C9: variants seen among roughly 807,000 people sequenced by gnomAD.
C9 encodes complement component C9.
C9 carries 63 observed loss-of-function variants against 65.4 expected under a neutral mutation model. The ratio of observed to expected loss-of-function variants is 0.96; its 90% confidence interval spans 0.79 to 1.19. C9 has a LOEUF of 1.19. Among genes scored for constraint, C9 ranks in the 50% most tolerant of loss-of-function variants. C9 has a pLI of 0.00. For missense variants in C9, 744 were observed against 670.1 expected (o/e 1.11, Z -1.22); for synonymous variants, 229 against 227.9 (o/e 1.00, Z -0.04).
In C9 at chr5:39,363,331, G is replaced by C. The variant is rs76619564; in HGVS notation, c.77+1057C>G. ...GTAGCACCTCTGGGTGCCCCCTCCT[G>C]AAAGATACAGCCCTGTGAATAACCC... On this transcript the variant is annotated intron_variant, in intron 1 of 10. Coordinates refer to ENST00000263408, the MANE Select transcript of C9 (RefSeq NM_001737.5). Among the ~76,000 whole-genome samples the C allele has an allele frequency of 1.7e-3, 256 of 152,322 alleles. 4 individuals carry two copies. The East Asian group carries it at 0.047, about 28-fold the overall frequency.
intron 1 of C9, among the ~76,000 whole-genome samples, chr5:39,359,088 A>ATGTGTG (rs72196067): frequency 5.7e-4 from 62 of 109,206 alleles, no homozygotes; most frequent in South Asian, 1.5e-3. Context: ...GTATATATAT[A>ATGTGTG]TGTGTGTGTG....
At chr5:39,307,336 A>G (rs1172902686) in intron 8 of C9, among the ~76,000 whole-genome samples, 3 of 152,198 alleles carry the variant, frequency 2.0e-5, no homozygotes, top group African/African-American at 7.2e-5. Flanking sequence ...GAATTTTTAA[A>G]ACTGGAAAGG....
intron 5 of C9, among the ~76,000 whole-genome samples, chr5:39,319,330 G>T (rs1405321594): frequency 6.6e-6 from 1 of 152,158 alleles, no homozygotes; most frequent in Non-Finnish European, 1.5e-5. Flanking sequence ...GCACCCTATA[G>T]ATATAGGGTC....
At chr5:39,350,845 C>A (rs944759508) in intron 1 of C9, among the ~76,000 whole-genome samples, 7 of 152,164 alleles carry the variant, frequency 4.6e-5, no homozygotes, top group Non-Finnish European at 8.8e-5. Context: ...AATCTGGGGT[C>A]TGGAGGATGG....
intron 4 of C9, among the ~76,000 whole-genome samples, chr5:39,340,441 A>G (rs1289467975): frequency 7.9e-5 from 12 of 152,152 alleles, no homozygotes; most frequent in Admixed American, 7.8e-4. Flanking sequence ...AGATATTCCT[A>G]GGATGCCCTC....
At chr5:39,313,737 C>G (rs1163488378) in intron 6 of C9, among the ~76,000 whole-genome samples, 1 of 152,154 alleles carries the variant, frequency 6.6e-6, no homozygotes, top group African/African-American at 2.4e-5. Flanking sequence ...TACACTAACT[C>G]TGTTAGTGAC....
Position 39,347,955 on chromosome 5 carries a change from C to G in C9, c.78-5759G>C, listed in dbSNP as rs545639228. The stretch of plus-strand genomic sequence containing the variant: ...TATTTAATAAATGGTGCTGGGAAAA[C>G]TGGCTAGCCTTATGTAGAAAGCTGA... On this transcript the variant is annotated intron_variant, in intron 1 of 10. Transcript: ENST00000263408. Among the ~76,000 whole-genome samples the G allele has an allele frequency of 4.0e-3, 570 of 142,932 alleles. 2 individuals are homozygous for G. Among genetic ancestry groups the G allele is most frequent in the Admixed American group, 5.2e-3 (73 of 14,152 alleles). The allele number at this position is 142,932 out of a possible 152,430, so 93.8% of individuals were successfully genotyped here. A position where few individuals can be genotyped will look rare whatever the true frequency, so the allele number is the denominator to read the frequency against.
intron 1 of C9, among the ~76,000 whole-genome samples, chr5:39,355,237 C>T (rs1178457083): frequency 2.0e-5 from 3 of 152,184 alleles, no homozygotes; most frequent in Non-Finnish European, 4.4e-5. Context: ...GTAAAACTCA[C>T]TGCAAATACT....
intron 1 of C9, among the ~76,000 whole-genome samples, chr5:39,344,165 TG>T (rs1251837011): frequency 6.6e-6 from 1 of 152,072 alleles, no homozygotes; most frequent in Non-Finnish European, 1.5e-5. Context: ...GGAACAAAGC[TG>T]GATGGAGAAT....
intron 5 of C9, among the ~76,000 whole-genome samples, chr5:39,325,091 T>A (rs1003645583): frequency 2.0e-5 from 3 of 152,110 alleles, no homozygotes; most frequent in African/African-American, 7.2e-5. Context: ...AAATAGAGAG[T>A]AAGTAGAGAA....
intron 9 of C9, among the ~76,000 whole-genome samples, chr5:39,297,588 A>C (rs886980146): frequency 1.3e-5 from 2 of 151,676 alleles, no homozygotes; most frequent in Non-Finnish European, 3.0e-5. Context: ...CTCCTTGGCT[A>C]TATTACCATA....
rs1753477801 is a variant in C9, at chr5:39,311,222, A to G, written c.1026T>C (p.Tyr342=). The G allele has an allele frequency of 6.2e-7, 1 of 1,613,448 alleles. No individual in the cohort carries two copies. The highest frequency in any genetic ancestry group is 1.7e-5 in the Admixed American group (1 of 59,984). Residue 342 remains tyrosine, a synonymous_variant, in exon 7 of 11, where the codon TAT becomes TAC. Coordinates refer to ENST00000263408, the MANE Select transcript of C9 (RefSeq NM_001737.5). The part of the protein sequence containing the change: ...KGEYFAFLET[Y]GTHYSSSGSL... The stretch of plus-strand genomic sequence containing the variant: ...ACCCAGAGCTACTGTAGTGAGTTCC[A>G]TAGGTTTCCAAAAAGGCAAAATATT...
At chr5:39,313,313 A>G (rs1467423573) in intron 6 of C9, among the ~76,000 whole-genome samples, 1 of 152,056 alleles carries the variant, frequency 6.6e-6, no homozygotes, top group Non-Finnish European at 1.5e-5. Flanking sequence ...CACTACTCCA[A>G]CAAAATGTCT....
chr5:39,333,701 C>A (rs1163064551), intron 4 of C9, among the ~76,000 whole-genome samples: 1 of 150,252 alleles, frequency 6.7e-6, no homozygotes, highest in African/African-American at 2.4e-5. Flanking sequence ...TGGCTCACTG[C>A]AGCCTCCCTG....
chr5:39,352,385 C>G (rs891958777), intron 1 of C9, among the ~76,000 whole-genome samples: 1 of 152,206 alleles, frequency 6.6e-6, no homozygotes, highest in Non-Finnish European at 1.5e-5. Context: ...CCAATTGGAC[C>G]TTGCACTTGA....
At chr5:39,325,279 C>T (rs1382342918) in intron 5 of C9, among the ~76,000 whole-genome samples, 1 of 152,178 alleles carries the variant, frequency 6.6e-6, no homozygotes, top group Non-Finnish European at 1.5e-5. Flanking sequence ...AGCCAAGCTA[C>T]TGTCACATTC....
intron 4 of C9, among the ~76,000 whole-genome samples, chr5:39,337,268 T>A (rs581983): frequency 0.5 from 75,420 of 152,018 alleles, 19,766 homozygotes; most frequent in African/African-American, 0.68. Context: ...ACCCCATGGT[T>A]TGCATATCCT....
intron 9 of C9, among the ~76,000 whole-genome samples, chr5:39,289,441 G>T (rs1579836084): frequency 6.7e-6 from 1 of 148,428 alleles, no homozygotes; most frequent in Admixed American, 6.7e-5. Context: ...TTTCTTTCTT[G>T]TTTTTTTTTT....
At chr5:39,334,951 CTT>C (rs1753934679) in intron 4 of C9, among the ~76,000 whole-genome samples, 1 of 148,914 alleles carries the variant, frequency 6.7e-6, no homozygotes, top group South Asian at 2.1e-4. Flanking sequence ...ACATGGGAGA[CTT>C]TTCATTTTGT....
Sources: gnomAD v4.1 joint callset for allele counts (sites outside exome capture counted in the v4.1 genomes callset) on GRCh38, gnomAD v4.1.1 for gene constraint, MANE v1.5 for transcripts, NCBI Gene and HGNC (gene_info 2026-07-23, HGNC 2026-07-21) for gene names.